Variants in JMJD1C observed in about 807,000 individuals in gnomAD.
The protein encoded by JMJD1C is jumonji domain-containing protein 1C.
JMJD1C carries 31 observed loss-of-function variants against 245.3 expected under a neutral mutation model. The ratio of observed to expected loss-of-function variants is 0.13; its 90% CI spans 0.09 to 0.17. JMJD1C has a LOEUF of 0.17. Ranked by LOEUF, JMJD1C falls within the 10% of genes least tolerant of loss-of-function variation. JMJD1C has a pLI of 1.00. For synonymous variants in JMJD1C, 1,057 were observed against 1,017.4 expected, an observed-to-expected ratio of 1.04 and a Z score of -0.74; for missense variants, 2,691 against 3,000.2, an observed-to-expected ratio of 0.90 and a Z score of 2.41.
chr10:63,250,882 A>T (rs1852968495), intron 3 of JMJD1C, among the ~76,000 whole-genome samples: 1 of 152,198 alleles, frequency 6.6e-6, no homozygotes, highest in South Asian at 2.1e-4. Context: ...CTGGGACTAC[A>T]GGTGCATGGC....
chr10:63,265,805 T>C (rs1855496766), intron 2 of JMJD1C, among the ~76,000 whole-genome samples: 2 of 152,232 alleles, frequency 1.3e-5, no homozygotes, highest in South Asian at 2.1e-4. Flanking sequence ...TTTGTGTTAA[T>C]ATTTCCACAC....
chr10:63,356,637 G>T (rs530735832), intron 2 of JMJD1C, among the ~76,000 whole-genome samples: 1 of 152,186 alleles, frequency 6.6e-6, no homozygotes, highest in South Asian at 2.1e-4. Flanking sequence ...CATTCACAAG[G>T]CTGTATATGT....
intron 2 of JMJD1C, among the ~76,000 whole-genome samples, chr10:63,362,134 C>T (rs1341756130): frequency 6.6e-6 from 1 of 151,574 alleles, no homozygotes; most frequent in Non-Finnish European, 1.5e-5. Flanking sequence ...ACTAGGGGTG[C>T]TGAGGCAGGA....
intron 2 of JMJD1C, among the ~76,000 whole-genome samples, 181 bp from the exon 3 acceptor site, chr10:63,264,945 T>C (rs1375490971): frequency 2.0e-5 from 3 of 152,194 alleles, no homozygotes; most frequent in Non-Finnish European, 4.4e-5. Context: ...TCTGTGTTTA[T>C]TTAAAAGAAA....
chr10:63,213,201 AAAAAG>A (rs1349790448), intron 8 of JMJD1C, among the ~76,000 whole-genome samples: 2 of 150,570 alleles, frequency 1.3e-5, no homozygotes, highest in East Asian at 3.9e-4. Flanking sequence ...AAAAAAAAAG[AAAAAG>A]AAAATATACC....
chr10:63,362,401 C>A (rs767091523), intron 2 of JMJD1C, among the ~76,000 whole-genome samples: 2 of 151,856 alleles, frequency 1.3e-5, no homozygotes, highest in Non-Finnish European at 2.9e-5. Context: ...CAATTCTTGC[C>A]ATCAGATAGG....
At chr10:63,274,205 C>G (rs1856578414) in intron 2 of JMJD1C, among the ~76,000 whole-genome samples, 1 of 152,162 alleles carries the variant, frequency 6.6e-6, no homozygotes, top group South Asian at 2.1e-4. Flanking sequence ...ATAAGCCATA[C>G]TGTAAAATCT....
intron 24 of JMJD1C, among the ~76,000 whole-genome samples, chr10:63,174,776 G>C (rs1312922368): frequency 6.6e-6 from 1 of 152,096 alleles, no homozygotes; most frequent in Non-Finnish European, 1.5e-5. Context: ...AGAGGTTGCA[G>C]TGAGCCAAGA....
intron 1 of JMJD1C, among the ~76,000 whole-genome samples, chr10:63,420,905 A>T (rs576476595): frequency 5.4e-4 from 82 of 152,184 alleles, no homozygotes; most frequent in Non-Finnish European, 1.0e-3. Context: ...ACATTGTATA[A>T]TGGAGACCAA....
intron 2 of JMJD1C, among the ~76,000 whole-genome samples, chr10:63,333,704 C>A (rs905745010): frequency 3.9e-5 from 6 of 152,074 alleles, no homozygotes; most frequent in African/African-American, 1.4e-4. Context: ...AGGCAGAAAC[C>A]TAGGAGCATT....
chr10:63,319,065 CCTGA>C (rs1940484929), intron 2 of JMJD1C, among the ~76,000 whole-genome samples: 1 of 152,120 alleles, frequency 6.6e-6, no homozygotes, highest in Non-Finnish European at 1.5e-5. Context: ...TCGACACCAT[CCTGA>C]CTAACATGGT....
At chr10:63,419,641 T>C (rs967606536) in intron 1 of JMJD1C, among the ~76,000 whole-genome samples, 1 of 151,920 alleles carries the variant, frequency 6.6e-6, no homozygotes, top group Non-Finnish European at 1.5e-5. Context: ...CTGATTGAGT[T>C]AGAATTCAGA....
At chr10:63,362,532 T>C (rs1442489780) in intron 2 of JMJD1C, among the ~76,000 whole-genome samples, 1 of 151,988 alleles carries the variant, frequency 6.6e-6, no homozygotes, top group Non-Finnish European at 1.5e-5. Flanking sequence ...CAAGCTGGGG[T>C]GCAGTGGCAC....
rs538096267 is a variant in JMJD1C, at chr10:63,519,823, G to A, written n.113+1915C>T. Reference sequence around the variant, plus strand: ...AACGGGTACATTAGGAGTTGGGGGTGAAAGTAGTAAAAGTAAAGGCTGTAA... The same window carrying A: ...AACGGGTACATTAGGAGTTGGGGGTAAAAGTAGTAAAAGTAAAGGCTGTAA... On this transcript the variant is annotated intron_variant and non_coding_transcript_variant, in intron 1 of 3. Transcript: ENST00000633035. Among the ~76,000 whole-genome samples the A allele has an allele frequency of 2.6e-5, 4 of 152,298 alleles. No individual in the cohort carries two copies. In the East Asian group the frequency reaches 7.7e-4, roughly 29 times the overall value.
intron 2 of JMJD1C, among the ~76,000 whole-genome samples, chr10:63,265,309 G>C (rs1327941782): frequency 7.3e-6 from 1 of 137,688 alleles, no homozygotes; most frequent in East Asian, 2.2e-4. Context: ...CCGCAGCTTC[G>C]GTGAGAGAAG....
intron 3 of JMJD1C, among the ~76,000 whole-genome samples, chr10:63,231,048 T>C (rs1016549327): frequency 6.6e-6 from 1 of 152,178 alleles, no homozygotes; most frequent in African/African-American, 2.4e-5. Context: ...ATTATAACTT[T>C]TAAGGAACCT....
At chr10:63,369,586 AT>A (rs1284948973) in intron 2 of JMJD1C, among the ~76,000 whole-genome samples, 9 of 152,240 alleles carry the variant, frequency 5.9e-5, no homozygotes, top group African/African-American at 2.2e-4. Flanking sequence ...TTGACTGTTT[AT>A]TTAAATGTAC....
Position 63,203,143 on chromosome 10 carries a change from T to C in JMJD1C, c.5075-2466A>G, listed in dbSNP as rs890692580. 5.1e-6 allele frequency: 5 copies of C among 984,948 alleles called. No homozygotes were observed. The African/African-American group carries it at 8.7e-5, about 17-fold the overall frequency. The allele number at this position is 984,948 out of a possible 1,614,324, so 61.0% of individuals were successfully genotyped here. On this transcript the variant is annotated intron_variant, in intron 10 of 25. Coordinates refer to ENST00000399262, the MANE Select transcript of JMJD1C (RefSeq NM_032776.3). ...AAGGCCCAATTCATACGTAGAGCTTTTGATATTATAATTTTTGCTTCTAGA... is the reference window on the plus strand; with the variant it reads ...AAGGCCCAATTCATACGTAGAGCTTCTGATATTATAATTTTTGCTTCTAGA...
Position 63,167,985 on chromosome 10 carries a change from C to G in JMJD1C, c.*60G>C. ...GCTTAAAGTCAGTGTGCATACATAT[C>G]ATCATTCAAGGTTAAGTAATCCCAG... On this transcript the variant is annotated 3_prime_UTR_variant, in exon 26 of 26. Coordinates refer to ENST00000399262, the MANE Select transcript of JMJD1C (RefSeq NM_032776.3). 2.1e-6 allele frequency: 2 copies of G among 970,876 alleles called. No individual in the cohort carries two copies. The highest frequency in any genetic ancestry group is 3.3e-6 in the Non-Finnish European group (2 of 598,538). 60.1% of individuals were successfully genotyped at this position (970,876 alleles called of 1,614,324 possible).
Sources: allele counts gnomAD v4.1 joint callset (sites outside exome capture counted in the v4.1 genomes callset), GRCh38; gene constraint gnomAD v4.1.1; transcripts MANE v1.5; gene names NCBI Gene and HGNC (gene_info 2026-07-23, HGNC 2026-07-21).